The following ADCK1 variants were observed in gnomAD, a reference collection of about 807,000 sequenced individuals.
ADCK1 encodes the protein aarF domain-containing protein kinase 1.
In ADCK1, 41 loss-of-function variants were observed where a neutral mutation model predicts 52.3. The ratio of observed to expected loss-of-function variants is 0.78; its 90% CI spans 0.61 to 1.02. The LOEUF (loss-of-function observed/expected upper bound fraction) is 1.02. ADCK1 is among the 50% of genes least tolerant of loss of function. ADCK1 has a pLI of 0.00. For synonymous variants in ADCK1, 250 were observed against 274.6 expected, an observed-to-expected ratio of 0.91 and a Z score of 0.89; for missense variants, 658 against 679.5, an observed-to-expected ratio of 0.97 and a Z score of 0.35.
intron 7 of ADCK1, among the ~76,000 whole-genome samples, chr14:77,917,429 C>G (rs2083950229): frequency 6.6e-6 from 1 of 152,088 alleles, no homozygotes. Context: ...TTAAGACACC[C>G]CCCAGGAACA....
intron 7 of ADCK1, among the ~76,000 whole-genome samples, chr14:77,918,678 T>C (rs759474909): frequency 6.6e-5 from 10 of 152,228 alleles, no homozygotes; most frequent in Non-Finnish European, 1.5e-4. Context: ...TAAGAGCTGT[T>C]ATCCAACACT....
At chr14:77,870,963 A>T (rs1378166913) in intron 4 of ADCK1, among the ~76,000 whole-genome samples, 3 of 152,152 alleles carry the variant, frequency 2.0e-5, no homozygotes, top group Non-Finnish European at 4.4e-5. Flanking sequence ...TCTCCTCGTG[A>T]CCCAGAGGTC....
intron 4 of ADCK1, among the ~76,000 whole-genome samples, chr14:77,869,292 A>T (rs1191066396): frequency 6.6e-6 from 1 of 151,844 alleles, no homozygotes; most frequent in Non-Finnish European, 1.5e-5. Flanking sequence ...GCGAGGGAGG[A>T]TCTGTTCTAG....
At chr14:77,806,039 G>A (rs930692603) in intron 1 of ADCK1, among the ~76,000 whole-genome samples, 1 of 143,316 alleles carries the variant, frequency 7.0e-6, no homozygotes, top group African/African-American at 2.6e-5. Context: ...TGCTGGGTGC[G>A]GTGGCTCACA....
chr14:77,894,212 T>C (rs1044418446), intron 5 of ADCK1, among the ~76,000 whole-genome samples: 10 of 152,230 alleles, frequency 6.6e-5, no homozygotes, highest in African/African-American at 2.4e-4. Context: ...AAAAAGCGTG[T>C]ACTTTAATAA....
intron 4 of ADCK1, among the ~76,000 whole-genome samples, chr14:77,879,610 C>T (rs2082976759): frequency 6.6e-6 from 1 of 152,166 alleles, no homozygotes; most frequent in African/African-American, 2.4e-5. Flanking sequence ...AAGATTTTGG[C>T]TCTAGGAAGC....
intron 4 of ADCK1, 117 bp downstream of exon 4, chr14:77,859,396 T>C (rs912157457): frequency 2.7e-5 from 27 of 1,016,112 alleles, no homozygotes; most frequent in Non-Finnish European, 3.8e-5. Flanking sequence ...CAAAACCAAA[T>C]GTCACAGCCA....
At chr14:77,885,493 A>C (rs569438689) in intron 4 of ADCK1, among the ~76,000 whole-genome samples, 1 of 152,194 alleles carries the variant, frequency 6.6e-6, no homozygotes, top group Non-Finnish European at 1.5e-5. Context: ...GAGTTTAGTG[A>C]AAGCTACAAC....
chr14:77,875,643 G>A (rs1252539443), intron 4 of ADCK1, among the ~76,000 whole-genome samples: 3 of 152,214 alleles, frequency 2.0e-5, no homozygotes, highest in African/African-American at 4.8e-5. Flanking sequence ...AGTGATGAGA[G>A]TCTGGCCTGG....
chr14:77,872,641 C>A (rs2082807002), intron 4 of ADCK1, among the ~76,000 whole-genome samples: 1 of 150,860 alleles, frequency 6.6e-6, no homozygotes, highest in East Asian at 2.0e-4. Flanking sequence ...GCTGGGTCTT[C>A]TTGCTGTGCC....
intron 3 of ADCK1, among the ~76,000 whole-genome samples, chr14:77,852,988 A>G (rs1333357224): frequency 1.5e-5 from 2 of 134,662 alleles, no homozygotes; most frequent in African/African-American, 5.7e-5. Flanking sequence ...GGCTCAGGCA[A>G]CCCATCGTCC....
intron 4 of ADCK1, among the ~76,000 whole-genome samples, chr14:77,864,614 A>G (rs2886169): frequency 0.032 from 4,831 of 151,122 alleles, 145 homozygotes; most frequent in South Asian, 0.12. Context: ...TCTCTAGAGA[A>G]ACAGAACCAA....
At position 77,912,827 on chromosome 14, in the gene ADCK1, C is replaced by T. The variant is rs375559788; in HGVS notation, c.858+4908C>T. Among the ~76,000 whole-genome samples the T allele has an allele frequency of 5.1e-4, 78 of 152,234 alleles. No individual in the cohort carries two copies. In the South Asian group the frequency reaches 0.015, roughly 29 times the overall value. ...GCCTCACTCCGCTTTGAAGAGGCCT[C>T]CTCACCCTACAGCATCCCAGTCCCA... is the stretch of plus-strand genomic sequence containing the variant. On this transcript the variant is annotated intron_variant, in intron 7 of 10. Transcript: ENST00000238561.
chr14:77,931,607 G>A lies in ADCK1; in HGVS notation c.1296G>A (p.Leu432=). 6.2e-7 allele frequency: 1 copy of A among 1,613,602 alleles called. No homozygotes were observed. The highest frequency in any genetic ancestry group is 8.5e-7 in the Non-Finnish European group (1 of 1,180,046). Residue 432 remains leucine (L), a synonymous_variant, in exon 10 of 11, where the codon TTG becomes TTA. Transcript: ENST00000238561. ...TGCCGCGCCAGATGCTGCTCATCTT[G>A]AAGACCAACGACCTGCTGCGTGGCA... The part of the protein sequence containing the change: ...NHVPRQMLLI[L]KTNDLLRGIE...
chr14:77,815,744 C>G (rs999468997), intron 1 of ADCK1, among the ~76,000 whole-genome samples: 1 of 151,278 alleles, frequency 6.6e-6, no homozygotes, highest in Admixed American at 6.6e-5. Context: ...GTCTTGAACT[C>G]GTGACCTCGT....
intron 6 of ADCK1, among the ~76,000 whole-genome samples, chr14:77,900,316 G>A (rs1265198994): frequency 1.3e-5 from 2 of 152,136 alleles, no homozygotes; most frequent in African/African-American, 4.8e-5. Context: ...GCTGGGCATG[G>A]TGGCTGATGG....
At chr14:77,828,357 A>G (rs778511058) in intron 3 of ADCK1, among the ~76,000 whole-genome samples, 2 of 152,156 alleles carry the variant, frequency 1.3e-5, no homozygotes, top group African/African-American at 2.4e-5. Flanking sequence ...TTAATTTAAC[A>G]TTGTGGATTA....
intron 3 of ADCK1, among the ~76,000 whole-genome samples, chr14:77,833,891 C>T (rs1296803251): frequency 2.0e-5 from 3 of 152,098 alleles, no homozygotes; most frequent in East Asian, 1.9e-4. Flanking sequence ...CCAACACCAG[C>T]GTTTTATTTT....
chr14:77,879,413 T>C (rs937058945), intron 4 of ADCK1, among the ~76,000 whole-genome samples: 1 of 152,188 alleles, frequency 6.6e-6, no homozygotes, highest in African/African-American at 2.4e-5. Flanking sequence ...AGGAGGTGAT[T>C]GTTCAGCTGT....
Sources: allele counts gnomAD v4.1 joint callset (sites outside exome capture counted in the v4.1 genomes callset), GRCh38; gene constraint gnomAD v4.1.1; transcripts MANE v1.5; gene names NCBI Gene and HGNC (gene_info 2026-07-23, HGNC 2026-07-21).